DOK5: variants seen among roughly 807,000 people sequenced by gnomAD.
DOK5 encodes downstream of tyrosine kinase 5.
A neutral mutation model predicts 43.3 loss-of-function variants in DOK5; 27 were observed. The observed-to-expected ratio is 0.62, with a 90% CI of 0.46 to 0.86. The LOEUF is 0.86. Ranked by LOEUF, DOK5 falls within the 40% of genes least tolerant of loss-of-function variation. DOK5 has a pLI of 0.00. For synonymous variants in DOK5, 146 were observed against 140.1 expected (o/e 1.04, Z -0.30); for missense variants, 373 against 392.9 (o/e 0.95, Z 0.43).
At chr20:54,580,595 CT>C (rs1332886089) in intron 2 of DOK5, among the ~76,000 whole-genome samples, 1 of 151,976 alleles carries the variant, frequency 6.6e-6, no homozygotes, top group African/African-American at 2.4e-5. Flanking sequence ...TTTCATTTGC[CT>C]TTTTCTGATG....
intron 6 of DOK5, among the ~76,000 whole-genome samples, chr20:54,610,921 CA>C (rs1568809482): frequency 6.6e-6 from 1 of 152,130 alleles, no homozygotes; most frequent in African/African-American, 2.4e-5. Flanking sequence ...AGTGAAATGT[CA>C]AAAGCCCAAG....
intron 2 of DOK5, among the ~76,000 whole-genome samples, chr20:54,570,337 C>T (rs961589779): frequency 2.6e-5 from 4 of 152,044 alleles, no homozygotes; most frequent in Non-Finnish European, 4.4e-5. Flanking sequence ...TTGAAGACAA[C>T]GTACAAAAGT....
chr20:54,627,926 A>G (rs188110259), intron 6 of DOK5, among the ~76,000 whole-genome samples: 1 of 152,198 alleles, frequency 6.6e-6, no homozygotes, highest in Non-Finnish European at 1.5e-5. Flanking sequence ...GACCGTCTCA[A>G]GAAGAAACAA....
chr20:54,536,135 C>T (rs6123393), intron 1 of DOK5, among the ~76,000 whole-genome samples: 1 of 152,264 alleles, frequency 6.6e-6, no homozygotes, highest in South Asian at 2.1e-4. Context: ...AAGGCAAAAA[C>T]TAAAAATGCA....
chr20:54,509,309 G>A (rs187660913), intron 1 of DOK5, among the ~76,000 whole-genome samples: 54 of 152,270 alleles, frequency 3.5e-4, no homozygotes, highest in Admixed American at 7.2e-4. Flanking sequence ...TCCCATCTCA[G>A]CCTCCCCAGT....
At chr20:54,515,156 G>A (rs528696567) in intron 1 of DOK5, among the ~76,000 whole-genome samples, 68 of 151,850 alleles carry the variant, frequency 4.5e-4, no homozygotes, top group African/African-American at 1.4e-3. Context: ...GATTACAGGC[G>A]CCCGCCACCA....
At chr20:54,490,526 T>C (rs1437891209) in intron 1 of DOK5, among the ~76,000 whole-genome samples, 4 of 152,170 alleles carry the variant, frequency 2.6e-5, no homozygotes, top group Admixed American at 1.3e-4. Flanking sequence ...ATATAATTTC[T>C]GAATGTTGCA....
At chr20:54,604,315 T>TA (rs1468096391) in intron 5 of DOK5, among the ~76,000 whole-genome samples, 12 of 151,856 alleles carry the variant, frequency 7.9e-5, no homozygotes, top group African/African-American at 2.7e-4. Context: ...TTTTTTTTTT[T>TA]ACTTTTAATT....
At chr20:54,630,580 T>G (rs1328244542) in intron 6 of DOK5, among the ~76,000 whole-genome samples, 1 of 152,198 alleles carries the variant, frequency 6.6e-6, no homozygotes, top group Non-Finnish European at 1.5e-5. Context: ...AGATAGATGG[T>G]ATTTAAACCC....
chr20:54,556,446 T>C (rs16999769), intron 2 of DOK5, among the ~76,000 whole-genome samples: 3,205 of 152,324 alleles, frequency 0.021, 107 homozygotes, highest in African/African-American at 0.074. Flanking sequence ...AACTCTGAAC[T>C]CTGCAAATAA....
chr20:54,529,693 A>C (rs1244057289), intron 1 of DOK5, among the ~76,000 whole-genome samples: 2 of 152,210 alleles, frequency 1.3e-5, no homozygotes, highest in Admixed American at 6.6e-5. Context: ...TCCATAGAGA[A>C]TTCCCGTACC....
At chr20:54,613,292 CA>C (rs1986712594) in intron 6 of DOK5, among the ~76,000 whole-genome samples, 1 of 151,758 alleles carries the variant, frequency 6.6e-6, no homozygotes, top group Admixed American at 6.6e-5. Flanking sequence ...CTAAGTAGAG[CA>C]AATGTAAAAT....
intron 1 of DOK5, among the ~76,000 whole-genome samples, chr20:54,504,284 T>C (rs991485636): frequency 2.0e-5 from 3 of 152,196 alleles, no homozygotes; most frequent in Non-Finnish European, 4.4e-5. Flanking sequence ...GGAAAGCAAT[T>C]CTTTGAAAAA....
At chr20:54,628,408 CAAAAAAAAAAAAAAAAAAAAAAAAA>C (rs56730310) in intron 6 of DOK5, among the ~76,000 whole-genome samples, 2 of 23,452 alleles carry the variant, frequency 8.5e-5, no homozygotes, top group East Asian at 3.3e-3. Context: ...GACTCCGTCT[CAAAAAAAAAAAAAAAAAAAAAAAAA>C]AAAAAAAAAA....
At chr20:54,573,320 T>C (rs957884826) in intron 2 of DOK5, among the ~76,000 whole-genome samples, 1 of 151,478 alleles carries the variant, frequency 6.6e-6, no homozygotes, top group African/African-American at 2.4e-5. Flanking sequence ...TTGTTGGGAG[T>C]GACAGAAAAA....
At chr20:54,487,215 T>C (rs758548653) in intron 1 of DOK5, among the ~76,000 whole-genome samples, 1 of 152,166 alleles carries the variant, frequency 6.6e-6, no homozygotes, top group East Asian at 1.9e-4. Context: ...AATCATAAAA[T>C]GAGAAAAAGT....
intron 6 of DOK5, among the ~76,000 whole-genome samples, chr20:54,629,871 C>T (rs1408175031): frequency 6.6e-6 from 1 of 152,206 alleles, no homozygotes; most frequent in African/African-American, 2.4e-5. Context: ...AGCCCTGAGG[C>T]AGTCTGTGCT....
chr20:54,511,596 T>C (rs1252386579), intron 1 of DOK5, among the ~76,000 whole-genome samples: 3 of 152,216 alleles, frequency 2.0e-5, no homozygotes, highest in Non-Finnish European at 2.9e-5. Context: ...CTGCAATTTA[T>C]ATTGGTGATG....
At chr20:54,517,961 C>G (rs1393875402) in intron 1 of DOK5, among the ~76,000 whole-genome samples, 1 of 152,058 alleles carries the variant, frequency 6.6e-6, no homozygotes, top group Non-Finnish European at 1.5e-5. Flanking sequence ...TGTTTATAAG[C>G]CATCCAGTTT....
Sources: gnomAD v4.1 joint callset for allele counts (sites outside exome capture counted in the v4.1 genomes callset) on GRCh38, gnomAD v4.1.1 for gene constraint, MANE v1.5 for transcripts, NCBI Gene and HGNC (gene_info 2026-07-23, HGNC 2026-07-21) for gene names.